SUPT3H: variants seen among roughly 807,000 people sequenced by gnomAD.
SUPT3H encodes the protein transcription initiation protein SPT3 homolog.
A neutral mutation model predicts 44.3 loss-of-function variants in SUPT3H; 44 were observed. The ratio of observed to expected loss-of-function variants is 0.99; its 90% CI spans 0.78 to 1.28. SUPT3H has a LOEUF of 1.28. Ranked by LOEUF, SUPT3H falls within the 50% of genes most tolerant of loss-of-function variation. SUPT3H has a pLI of 0.00. For synonymous variants in SUPT3H, 124 were observed against 125.6 expected, an observed-to-expected ratio of 0.99 and a Z score of 0.09; for missense variants, 380 against 387.1, an observed-to-expected ratio of 0.98 and a Z score of 0.15.
rs180684131 is a variant in SUPT3H, at chr6:44,943,764, G to A, written c.801+9546C>T. On this transcript the variant is annotated intron_variant, in intron 9 of 10. Coordinates refer to ENST00000371459, the MANE Select transcript of SUPT3H (RefSeq NM_003599.4). ...TAAAATACTGAAAAATAAAACTTTC[G>A]AGACAGAATTCTGTATCTAATGAAA... Among the ~76,000 whole-genome samples, 45 of 152,130 alleles carry A rather than the reference G, an allele frequency of 3.0e-4. 1 individual carries two copies. In the East Asian group the frequency reaches 7.3e-3, roughly 25 times the overall value.
intron 6 of SUPT3H, among the ~76,000 whole-genome samples, chr6:44,978,411 G>C (rs1470050454): frequency 6.6e-6 from 1 of 152,104 alleles, no homozygotes; most frequent in African/African-American, 2.4e-5. Flanking sequence ...TAATATGTAG[G>C]TCTATATGAC....
At chr6:45,247,632 G>C (rs1294738792) in intron 2 of SUPT3H, among the ~76,000 whole-genome samples, 1 of 151,670 alleles carries the variant, frequency 6.6e-6, no homozygotes, top group Non-Finnish European at 1.5e-5. Flanking sequence ...ACTCTCAATA[G>C]GGAGAACTTT....
intron 2 of SUPT3H, among the ~76,000 whole-genome samples, chr6:45,201,735 C>T (rs1762484632): frequency 6.6e-6 from 1 of 151,860 alleles, no homozygotes. Flanking sequence ...ATGGACGCCA[C>T]TGTAATTGAA....
chr6:45,090,543 C>T (rs1193790924), intron 3 of SUPT3H, among the ~76,000 whole-genome samples: 1 of 151,684 alleles, frequency 6.6e-6, no homozygotes, highest in African/African-American at 2.4e-5. Flanking sequence ...TTTTATCCAC[C>T]ATGATAGAAA....
chr6:45,365,133 T>C, intron 2 of SUPT3H, 68 bp downstream of exon 2: 1 of 908,414 alleles, frequency 1.1e-6, no homozygotes, highest in South Asian at 2.0e-5. Context: ...AATGTTGTTA[T>C]GTCTATTGTC....
intron 2 of SUPT3H, among the ~76,000 whole-genome samples, chr6:45,142,230 CAAGAA>C (rs1805329697): frequency 1.3e-5 from 2 of 152,234 alleles, no homozygotes; most frequent in Admixed American, 6.6e-5. Context: ...GCCAGCACTA[CAAGAA>C]ATGCTAAAAG....
At chr6:45,251,093 A>G (rs1228955695) in intron 2 of SUPT3H, 1 of 152,196 alleles carries the variant, frequency 6.6e-6, no homozygotes, top group Non-Finnish European at 1.5e-5. Context: ...TACAGGTGTT[A>G]GCCACCGTTC....
chr6:45,059,693 G>A (rs965528830), intron 3 of SUPT3H, among the ~76,000 whole-genome samples: 2 of 152,172 alleles, frequency 1.3e-5, no homozygotes, highest in Middle Eastern at 3.4e-3. Flanking sequence ...AAAGCCCATC[G>A]TCTCAGTTCA....
chr6:45,264,312 T>C (rs979561175), intron 2 of SUPT3H, among the ~76,000 whole-genome samples: 2 of 152,112 alleles, frequency 1.3e-5, no homozygotes, highest in Non-Finnish European at 2.9e-5. Flanking sequence ...GGTGTAAAAA[T>C]TGTTGTGGGT....
intron 2 of SUPT3H, among the ~76,000 whole-genome samples, chr6:45,216,043 G>A (rs1198178305): frequency 6.6e-6 from 1 of 152,150 alleles, no homozygotes; most frequent in Non-Finnish European, 1.5e-5. Flanking sequence ...AGTGTGGGGG[G>A]ATGGGGGTAA....
At chr6:45,365,868 G>A (rs867299529) in intron 1 of SUPT3H, among the ~76,000 whole-genome samples, 3 of 132,756 alleles carry the variant, frequency 2.3e-5, no homozygotes, top group Admixed American at 1.6e-4. Context: ...AATGTCAATC[G>A]GTAGATCAAA....
chr6:45,017,402 A>G (rs953933216), intron 4 of SUPT3H, among the ~76,000 whole-genome samples: 4 of 151,030 alleles, frequency 2.6e-5, no homozygotes, highest in African/African-American at 9.7e-5. Flanking sequence ...TTGGTGTTTT[A>G]GACATGAAGT....
intron 9 of SUPT3H, among the ~76,000 whole-genome samples, chr6:44,936,570 A>G (rs1771454943): frequency 6.6e-6 from 1 of 152,106 alleles, no homozygotes; most frequent in Non-Finnish European, 1.5e-5. Flanking sequence ...GCTCTCACTT[A>G]TAAGTAAGAA....
chr6:45,353,241 A>G (rs1316855450), intron 2 of SUPT3H, among the ~76,000 whole-genome samples: 1 of 152,134 alleles, frequency 6.6e-6, no homozygotes, highest in Non-Finnish European at 1.5e-5. Context: ...AAGAAAAATG[A>G]AACTACTTAA....
intron 6 of SUPT3H, among the ~76,000 whole-genome samples, chr6:44,998,013 T>C (rs561045609): frequency 5.9e-5 from 9 of 152,048 alleles, no homozygotes; most frequent in African/African-American, 1.4e-4. Flanking sequence ...TTTTTCATTA[T>C]ATATACTTTC....
At chr6:45,311,643 G>C (rs991176101) in intron 2 of SUPT3H, among the ~76,000 whole-genome samples, 13 of 152,126 alleles carry the variant, frequency 8.5e-5, no homozygotes, top group African/African-American at 3.1e-4. Context: ...AGCTAGAAGG[G>C]ATTGGGGCCC....
At chr6:45,011,447 T>C (rs1397294506) in intron 5 of SUPT3H, among the ~76,000 whole-genome samples, 1 of 152,128 alleles carries the variant, frequency 6.6e-6, no homozygotes, top group Non-Finnish European at 1.5e-5. Context: ...TAGTTTGTTA[T>C]ATTAACCATT....
intron 2 of SUPT3H, among the ~76,000 whole-genome samples, chr6:45,164,126 C>T (rs1809474849): frequency 1.3e-5 from 2 of 152,176 alleles, no homozygotes; most frequent in African/African-American, 4.8e-5. Flanking sequence ...ACAGAGATGC[C>T]CACCAGAGGA....
intron 2 of SUPT3H, among the ~76,000 whole-genome samples, chr6:45,184,192 C>G (rs1039178164): frequency 3.9e-5 from 6 of 152,076 alleles, no homozygotes; most frequent in Non-Finnish European, 7.4e-5. Context: ...GTCCATAAAT[C>G]TTTTTAAGTT....
Sources: gnomAD v4.1 joint callset for allele counts (sites outside exome capture counted in the v4.1 genomes callset) on GRCh38, gnomAD v4.1.1 for gene constraint, MANE v1.5 for transcripts, NCBI Gene and HGNC (gene_info 2026-07-23, HGNC 2026-07-21) for gene names.